Variants in RBM39 observed in about 807,000 individuals in gnomAD.
RBM39 encodes the protein RNA binding motif protein 39.
A neutral mutation model predicts 79.6 loss-of-function variants in RBM39; 12 were observed. The ratio of observed to expected loss-of-function variants is 0.15; its 90% CI spans 0.10 to 0.24. The LOEUF (loss-of-function observed/expected upper bound fraction) is 0.24. Ranked by LOEUF, RBM39 falls within the 10% of genes least tolerant of loss-of-function variation. The pLI is 1.00. For missense variants in RBM39, 243 were observed against 653.4 expected, an observed-to-expected ratio of 0.37 and a Z score of 6.85; for synonymous variants, 185 against 208.4, an observed-to-expected ratio of 0.89 and a Z score of 0.97.
At chr20:35,714,496 G>C (rs1190845962) in intron 10 of RBM39, 107 bp from the exon 11 acceptor site, 8 of 1,376,766 alleles carry the variant, frequency 5.8e-6, no homozygotes, top group Non-Finnish European at 7.6e-6. Context: ...AATTACTTCT[G>C]AATACTAAGG....
At chr20:35,706,492 A>G (rs1364537660) in intron 14 of RBM39, among the ~76,000 whole-genome samples, 1 of 152,182 alleles carries the variant, frequency 6.6e-6, no homozygotes, top group Non-Finnish European at 1.5e-5. Context: ...ATTATATGAA[A>G]TGTAACTTAT....
chr20:35,722,204 A>G (rs1288845209), intron 8 of RBM39, among the ~76,000 whole-genome samples: 1 of 151,986 alleles, frequency 6.6e-6, no homozygotes, highest in African/African-American at 2.4e-5. Context: ...TCAAGAGATC[A>G]AGACCATACT....
chr20:35,717,993 G>A (rs577083107), intron 9 of RBM39, among the ~76,000 whole-genome samples: 10 of 147,998 alleles, frequency 6.8e-5, no homozygotes, highest in African/African-American at 2.7e-4. Flanking sequence ...CAAGTAGCTG[G>A]GACTACAGGC....
rs1014073414 is a variant in RBM39 at position 35,703,689 on chromosome 20, T to C, written c.*792A>G. ...GAAAGTCATTTGTTTGATAGAAATA[T>C]CAAGCTGTCTTGTCAAACACACTGA... On this transcript the variant is annotated 3_prime_UTR_variant, in exon 17 of 17. Coordinates refer to ENST00000253363, the MANE Select transcript of RBM39 (RefSeq NM_184234.3). The C allele has an allele frequency of 6.5e-5, 10 of 152,676 alleles. No individual in the cohort carries two copies. The highest frequency in any genetic ancestry group is 2.4e-4 in the African/African-American group (10 of 41,460). The allele number at this position is 152,676 out of a possible 1,614,324, so 9.5% of individuals were successfully genotyped here. A position where few individuals can be genotyped will look rare whatever the true frequency, so the allele number is the denominator to read the frequency against.
intron 4 of RBM39, 114 bp downstream of exon 4, chr20:35,731,827 T>C: frequency 3.0e-6 from 3 of 991,996 alleles, no homozygotes; most frequent in Non-Finnish European, 3.1e-6. Flanking sequence ...TTCAATACTT[T>C]TTAACCAATC....
rs1261686649 is a variant in RBM39 at position 35,704,496 on chromosome 20, A to G, written c.1578T>C (p.Val526=). Residue 526 remains valine, a synonymous_variant, in exon 17 of 17, where the codon GTT becomes GTC. Coordinates refer to ENST00000253363, the MANE Select transcript of RBM39 (RefSeq NM_184234.3). The part of the protein sequence containing the change: ...PDSMTATQLL[V]PSRR ...ATATCTTCCTTCATCGTCTACTTGG[A>G]ACCAGTAGCTGTGTTGCTGTCATAG... 2 of 1,610,016 alleles carry G rather than the reference A, an allele frequency of 1.2e-6. No homozygotes were observed. The highest frequency in any genetic ancestry group is 3.3e-5 in the Admixed American group (2 of 60,014).
intron 12 of RBM39, chr20:35,710,444 A>G (rs901328219): frequency 2.0e-5 from 3 of 152,342 alleles, no homozygotes; most frequent in East Asian, 3.9e-4. Context: ...AAATGTATAG[A>G]TATCAGAAAT....
At chr20:35,741,368 T>C (rs2040517561) in intron 1 of RBM39, 1 of 153,916 alleles carries the variant, frequency 6.5e-6, no homozygotes. Context: ...GAATTTTTCT[T>C]CTCAGCCGAC....
intron 2 of RBM39, chr20:35,739,398 C>G: frequency 2.1e-6 from 1 of 472,262 alleles, no homozygotes; most frequent in Non-Finnish European, 4.4e-6. Context: ...AGTACCATGG[C>G]TCTATTTCTG....
rs2036661985 is a variant in RBM39, at chr20:35,713,236, T to TA, written c.1097-141dup. ...TGGTGGTTGACGCCTGTAACTTAGCTAGCACTCTGGGAGGCCAAGGGAGGT... is the reference window on the plus strand; with the variant it reads ...TGGTGGTTGACGCCTGTAACTTAGCTAAGCACTCTGGGAGGCCAAGGGAGGT... On this transcript the variant is annotated intron_variant, in intron 11 of 16. Transcript: ENST00000253363. The TA allele has an allele frequency of 9.3e-6, 6 of 642,598 alleles. No homozygotes were observed. In the South Asian group the frequency reaches 1.3e-4, roughly 14 times the overall value. 39.8% of individuals were successfully genotyped at this position (642,598 alleles called of 1,614,324 possible).
At chr20:35,738,911 G>C (rs931843811) in intron 3 of RBM39, 57 bp downstream of exon 3, 2 of 1,439,710 alleles carry the variant, frequency 1.4e-6, no homozygotes, top group Non-Finnish European at 1.9e-6. Context: ...CACAACTTAA[G>C]GTCTAAAACC....
chr20:35,705,468 G>GC (rs1224334284), intron 14 of RBM39, 138 bp from the exon 15 acceptor site: 7 of 579,242 alleles, frequency 1.2e-5, no homozygotes, highest in Non-Finnish European at 2.0e-5. Context: ...GAACGTCTCT[G>GC]CCCCAAAGAA....
rs746005334 is a variant in RBM39 at position 35,739,437 on chromosome 20, C to G, written c.52-420G>C. 3 of 471,492 alleles carry G rather than the reference C, an allele frequency of 6.4e-6. No individual in the cohort carries two copies. In the East Asian group the frequency reaches 2.1e-4, roughly 33 times the overall value. The allele number at this position is 471,492 out of a possible 1,614,324, so 29.2% of individuals were successfully genotyped here. A position where few individuals can be genotyped will look rare whatever the true frequency, so the allele number is the denominator to read the frequency against. On this transcript the variant is annotated intron_variant, in intron 2 of 16. Transcript: ENST00000253363. ...AAGCCCCAAGTGGCCATGCTAGCAG[C>G]CAGCCACTATCGATTTCCTGTGACC...
intron 6 of RBM39, among the ~76,000 whole-genome samples, chr20:35,726,171 A>G (rs1046493662): frequency 2.6e-5 from 4 of 151,534 alleles, no homozygotes; most frequent in African/African-American, 7.3e-5. Flanking sequence ...TCTCACTGTC[A>G]CTCAGGCTGG....
chr20:35,726,545 TA>T (rs1360083042), intron 6 of RBM39, among the ~76,000 whole-genome samples: 1 of 152,254 alleles, frequency 6.6e-6, no homozygotes, highest in Non-Finnish European at 1.5e-5. Context: ...AAAATCAGTG[TA>T]ATGGATGATT....
chr20:35,713,591 CTGGGA>C (rs1483897568), intron 11 of RBM39: 1 of 141,662 alleles, frequency 7.1e-6, no homozygotes, highest in Non-Finnish European at 1.5e-5. Flanking sequence ...TCCCAAACTG[CTGGGA>C]TTACAGTTGT....
intron 12 of RBM39, 109 bp from the exon 13 acceptor site, chr20:35,709,383 TAAAACCTGGCAGC>T: frequency 1.1e-6 from 1 of 909,960 alleles, no homozygotes; most frequent in Non-Finnish European, 1.6e-6. Flanking sequence ...ATGCACTTAG[TAAAACCTGGCAGC>T]AAAACCTCCT....
chr20:35,739,100 G>A, intron 2 of RBM39, 83 bp from the exon 3 acceptor site: 1 of 1,152,522 alleles, frequency 8.7e-7, no homozygotes, highest in Non-Finnish European at 1.3e-6. Flanking sequence ...ACAGGAATAA[G>A]AAAATACAAA....
At chr20:35,734,646 T>C (rs2039718773) in intron 3 of RBM39, 2 of 397,732 alleles carry the variant, frequency 5.0e-6, no homozygotes, top group East Asian at 4.5e-5. Context: ...ATTGGAGAGC[T>C]AATTTTAACT....
Sources: gnomAD v4.1 joint callset for allele counts (sites outside exome capture counted in the v4.1 genomes callset) on GRCh38, gnomAD v4.1.1 for gene constraint, MANE v1.5 for transcripts, NCBI Gene and HGNC (gene_info 2026-07-23, HGNC 2026-07-21) for gene names.